The following DACH1 variants were observed in gnomAD, a reference collection of about 807,000 sequenced individuals.
DACH1 encodes the protein dachshund family transcription factor 1.
In DACH1, 12 loss-of-function variants were observed where a neutral mutation model predicts 54.2. The ratio of observed to expected loss-of-function variants is 0.22; its 90% CI spans 0.14 to 0.36. DACH1 has a LOEUF of 0.36. Ranked by LOEUF, DACH1 falls within the 10% of genes least tolerant of loss-of-function variation. DACH1 has a pLI of 1.00. For missense variants in DACH1, 805 were observed against 929.8 expected (o/e 0.87, Z 1.75); for synonymous variants, 386 against 366.2 (o/e 1.05, Z -0.62).
At chr13:71,470,777 T>C (rs563460880) in intron 10 of DACH1, among the ~76,000 whole-genome samples, 3 of 152,294 alleles carry the variant, frequency 2.0e-5, no homozygotes, top group African/African-American at 7.2e-5. Flanking sequence ...CTTCAGGGAA[T>C]AGCAGGCACC....
At chr13:71,816,986 T>C (rs1646272143) in intron 1 of DACH1, among the ~76,000 whole-genome samples, 1 of 151,868 alleles carries the variant, frequency 6.6e-6, no homozygotes, top group Admixed American at 6.6e-5. Context: ...GGTGATGAAA[T>C]AACCTGTACA....
intron 2 of DACH1, among the ~76,000 whole-genome samples, chr13:71,636,730 T>A (rs1877515351): frequency 6.6e-6 from 1 of 152,008 alleles, no homozygotes; most frequent in Non-Finnish European, 1.5e-5. Flanking sequence ...AAACTTGGGT[T>A]AATACACTAC....
chr13:71,774,261 A>C (rs758415841), intron 1 of DACH1, among the ~76,000 whole-genome samples: 6 of 152,300 alleles, frequency 3.9e-5, no homozygotes, highest in Admixed American at 3.9e-4. Flanking sequence ...ATTAGCTTCT[A>C]AGGTAGAAGC....
chr13:71,836,826 A>G (rs767837078), intron 1 of DACH1, among the ~76,000 whole-genome samples: 7 of 152,086 alleles, frequency 4.6e-5, no homozygotes, highest in Non-Finnish European at 8.8e-5. Context: ...TAATTTGCTT[A>G]TTGATTATGT....
intron 3 of DACH1, among the ~76,000 whole-genome samples, chr13:71,578,077 A>G (rs1465923076): frequency 6.6e-6 from 1 of 152,218 alleles, no homozygotes; most frequent in East Asian, 1.9e-4. Flanking sequence ...TTGCATTAAA[A>G]TAGTAAAAAT....
chr13:71,710,676 T>C (rs1171457424), intron 1 of DACH1, among the ~76,000 whole-genome samples: 1 of 152,150 alleles, frequency 6.6e-6, no homozygotes, highest in African/African-American at 2.4e-5. Context: ...AAGTATCATT[T>C]TGGAGGTGGC....
chr13:71,628,241 C>T (rs2138562598), intron 3 of DACH1, among the ~76,000 whole-genome samples: 1 of 152,132 alleles, frequency 6.6e-6, no homozygotes, highest in Admixed American at 6.6e-5. Flanking sequence ...GCTCAACCCC[C>T]ACCTTCACCA....
chr13:71,733,184 C>T (rs566173463), intron 1 of DACH1, among the ~76,000 whole-genome samples: 10 of 152,216 alleles, frequency 6.6e-5, no homozygotes, highest in Non-Finnish European at 1.0e-4. Flanking sequence ...TTTTTTGAGA[C>T]GGAGTCTCAT....
intron 6 of DACH1, among the ~76,000 whole-genome samples, chr13:71,502,757 C>T (rs149844358): frequency 1.2e-3 from 183 of 152,284 alleles, no homozygotes; most frequent in African/African-American, 4.1e-3. Flanking sequence ...TCATTTGTCA[C>T]CATAAGAACC....
intron 7 of DACH1, among the ~76,000 whole-genome samples, chr13:71,481,969 T>C (rs1878072295): frequency 6.6e-6 from 1 of 152,106 alleles, no homozygotes; most frequent in Non-Finnish European, 1.5e-5. Context: ...GTGGCAAAAA[T>C]GTGAATGACA....
At chr13:71,519,610 T>C (rs1881419871) in intron 6 of DACH1, among the ~76,000 whole-genome samples, 1 of 151,452 alleles carries the variant, frequency 6.6e-6, no homozygotes, top group East Asian at 2.0e-4. Context: ...AAATCTTGTT[T>C]CCCTGAATCC....
At chr13:71,479,968 T>A (rs1003469738) in intron 7 of DACH1, among the ~76,000 whole-genome samples, 3 of 152,184 alleles carry the variant, frequency 2.0e-5, no homozygotes, top group Non-Finnish European at 4.4e-5. Context: ...TATCTCCAAA[T>A]GTATCTTATT....
chr13:71,438,989 A>G lies in DACH1; in HGVS notation c.*1666T>C, dbSNP rs1873760911. On this transcript the variant is annotated 3_prime_UTR_variant, in exon 11 of 11. Coordinates refer to ENST00000613252, the MANE Select transcript of DACH1 (RefSeq NM_080759.6). ...GCTGGCTAATAGTGAGCTACACAAA[A>G]GAATTATGTTCCAGTATTGCAAGGA... is the stretch of plus-strand genomic sequence containing the variant. 6.6e-6 allele frequency: 1 copy of G among 152,486 alleles called. No individual in the cohort carries two copies. 9.4% of individuals were successfully genotyped at this position (152,486 alleles called of 1,614,324 possible).
At chr13:71,764,631 GTT>G (rs1275719520) in intron 1 of DACH1, among the ~76,000 whole-genome samples, 45 of 152,172 alleles carry the variant, frequency 3.0e-4, no homozygotes, top group Non-Finnish European at 6.0e-4. Context: ...AGTCTCGTAA[GTT>G]TTCACTCCCC....
intron 1 of DACH1, among the ~76,000 whole-genome samples, chr13:71,864,949 AAG>A (rs1593665006): frequency 1.3e-5 from 2 of 152,126 alleles, no homozygotes; most frequent in South Asian, 2.1e-4. Context: ...AAGAAAAGAA[AAG>A]AGAGAGAAAG....
At chr13:71,747,269 G>A (rs1884638659) in intron 1 of DACH1, among the ~76,000 whole-genome samples, 1 of 151,706 alleles carries the variant, frequency 6.6e-6, no homozygotes, top group African/African-American at 2.4e-5. Flanking sequence ...GAATTAATAA[G>A]AAAAAATAAT....
rs1327961632 is a variant in DACH1 at position 71,723,888 on chromosome 13, AC to A, written c.849-41979del. 3.9e-5 allele frequency among the ~76,000 whole-genome samples: 6 copies of A among 152,114 alleles called. No homozygotes were observed. The South Asian group carries it at 6.2e-4, about 16-fold the overall frequency. ...GTCTTTTTAGTAGAATCGGGGTTCC[AC>A]CATGTTGCTCAGGTTGGTCTCAAAC... On this transcript the variant is annotated intron_variant, in intron 1 of 10. Coordinates refer to ENST00000613252, the MANE Select transcript of DACH1 (RefSeq NM_080759.6).
At chr13:71,527,537 G>C (rs1882075359) in intron 6 of DACH1, among the ~76,000 whole-genome samples, 1 of 152,162 alleles carries the variant, frequency 6.6e-6, no homozygotes, top group South Asian at 2.1e-4. Flanking sequence ...TTGAGTCTAA[G>C]TGACCACCCC....
intron 2 of DACH1, among the ~76,000 whole-genome samples, chr13:71,656,844 A>G (rs1298287691): frequency 6.8e-6 from 1 of 147,418 alleles, no homozygotes; most frequent in East Asian, 2.0e-4. Context: ...ATAGATTGAT[A>G]GACAGATATA....
Sources: gnomAD v4.1 joint callset for allele counts (sites outside exome capture counted in the v4.1 genomes callset) on GRCh38, gnomAD v4.1.1 for gene constraint, MANE v1.5 for transcripts, NCBI Gene and HGNC (gene_info 2026-07-23, HGNC 2026-07-21) for gene names.